The following SMC6 variants were observed in gnomAD, a reference collection of about 807,000 sequenced individuals.
SMC6 encodes the protein structural maintenance of chromosomes protein 6.
SMC6 carries 79 observed loss-of-function variants against 142.2 expected under a neutral mutation model. The observed-to-expected ratio is 0.56, with a 90% CI of 0.46 to 0.67. SMC6 has a LOEUF of 0.67. Ranked by LOEUF, SMC6 falls within the 30% of genes least tolerant of loss-of-function variation. The pLI, the probability that SMC6 is intolerant of heterozygous loss-of-function variation, is 0.00. For synonymous variants in SMC6, 411 were observed against 412.4 expected (o/e 1.00, Z 0.04); for missense variants, 1,072 against 1,284.0 (o/e 0.83, Z 2.52).
chr2:17,679,658 T>A (rs1667153205), intron 24 of SMC6: 2 of 152,268 alleles, frequency 1.3e-5, no homozygotes, highest in South Asian at 4.1e-4. Context: ...CTTATTGAGA[T>A]CCTCAGACTG....
intron 19 of SMC6, among the ~76,000 whole-genome samples, chr2:17,702,437 T>C (rs377632966): frequency 1.3e-5 from 2 of 152,218 alleles, no homozygotes; most frequent in African/African-American, 4.8e-5. Context: ...GATATAACTA[T>C]TTAATTGAAT....
At chr2:17,712,645 G>A (rs1668884052) in intron 16 of SMC6, among the ~76,000 whole-genome samples, 1 of 152,146 alleles carries the variant, frequency 6.6e-6, no homozygotes, top group African/African-American at 2.4e-5. Flanking sequence ...ACTGAAATGA[G>A]TCCTATGTAT....
At chr2:17,694,793 T>G (rs1047590322) in intron 23 of SMC6, among the ~76,000 whole-genome samples, 2 of 152,204 alleles carry the variant, frequency 1.3e-5, no homozygotes, top group African/African-American at 2.4e-5. Flanking sequence ...CTTACTGACC[T>G]AGAATATTAG....
chr2:17,730,083 T>A (rs964635858), intron 7 of SMC6, among the ~76,000 whole-genome samples: 1 of 152,212 alleles, frequency 6.6e-6, no homozygotes, highest in African/African-American at 2.4e-5. Flanking sequence ...GATGCCTGGA[T>A]CCCAAATCCA....
At chr2:17,714,019 G>A (rs1339723101) in intron 16 of SMC6, among the ~76,000 whole-genome samples, 1 of 151,910 alleles carries the variant, frequency 6.6e-6, no homozygotes, top group African/African-American at 2.4e-5. Flanking sequence ...TTTAAAAAGT[G>A]GAGATGGGAG....
chr2:17,699,468 C>T (rs1018682218), intron 21 of SMC6, among the ~76,000 whole-genome samples: 1 of 152,070 alleles, frequency 6.6e-6, no homozygotes, highest in African/African-American at 2.4e-5. Flanking sequence ...ATTCTTTAAT[C>T]TGTAAGTTTA....
At chr2:17,682,936 GAC>G (rs1314763225) in intron 24 of SMC6, among the ~76,000 whole-genome samples, 2 of 151,260 alleles carry the variant, frequency 1.3e-5, no homozygotes, top group African/African-American at 2.4e-5. Context: ...TTGGTGTAAA[GAC>G]AGTTTTAAAA....
intron 24 of SMC6, chr2:17,681,498 A>G (rs975526325): frequency 1.4e-4 from 22 of 152,286 alleles, no homozygotes; most frequent in African/African-American, 5.1e-4. Flanking sequence ...TTTGATTTAA[A>G]GTGATAGAAA....
At chr2:17,709,104 G>A (rs546506387) in intron 16 of SMC6, among the ~76,000 whole-genome samples, 50 of 152,082 alleles carry the variant, frequency 3.3e-4, no homozygotes, top group South Asian at 1.2e-3. Context: ...GTTCCCCAAC[G>A]TCATGAAGCT....
intron 3 of SMC6, among the ~76,000 whole-genome samples, chr2:17,745,591 G>T (rs1670706320): frequency 6.6e-6 from 1 of 151,830 alleles, no homozygotes; most frequent in South Asian, 2.1e-4. Context: ...TGCATTTCTT[G>T]GTCTTACTAA....
At chr2:17,687,095 T>C (rs1377664914) in intron 23 of SMC6, among the ~76,000 whole-genome samples, 3 of 152,202 alleles carry the variant, frequency 2.0e-5, no homozygotes, top group Non-Finnish European at 4.4e-5. Flanking sequence ...CTGTACAATG[T>C]TGGCGCAAAT....
chr2:17,716,296 T>C (rs368897328), intron 14 of SMC6, 32 bp from the exon 15 acceptor site: 12 of 1,577,770 alleles, frequency 7.6e-6, no homozygotes, highest in South Asian at 2.3e-5. Flanking sequence ...ACAGAACATA[T>C]ATGTGATAGT....
chr2:17,681,091 G>A (rs1667220549), intron 24 of SMC6: 1 of 152,218 alleles, frequency 6.6e-6, no homozygotes, highest in South Asian at 2.1e-4. Flanking sequence ...AGCGCTTGCT[G>A]TTTCACCTTG....
chr2:17,696,401 T>C lies in SMC6; in HGVS notation c.2420A>G (p.Glu807Gly). 1.2e-6 allele frequency: 2 copies of C among 1,610,148 alleles called. No homozygotes were observed. The highest frequency in any genetic ancestry group is 1.7e-6 in the Non-Finnish European group (2 of 1,179,182). ...LKDELNLADS[E>G]VDNQKRGKRH... ...TTTCCCTCGTTTTTGGTTATCCACT[T>C]CAGAATCAGCAAGGTTTAATTCATC... Residue 807 changes from glutamate (E) to glycine (G), a missense_variant, in exon 22 of 28, where the codon GAA becomes GGA. Glu to Gly is a moderately conservative substitution (Grantham distance 98, BLOSUM62 -2). This residue lies in a region of SMC6 where 994 missense variants were observed against 1,153.2 expected (regional missense o/e 0.86). Coordinates refer to ENST00000448223, the MANE Select transcript of SMC6 (RefSeq NM_001142286.2).
chr2:17,696,187 GACA>G (rs2124918518), intron 22 of SMC6, 99 bp downstream of exon 22: 4 of 1,417,326 alleles, frequency 2.8e-6, no homozygotes, highest in South Asian at 2.9e-5. Context: ...CAGAAATTCA[GACA>G]ACTTTTCTGT....
Position 17,753,699 on chromosome 2 carries a change from C to G in SMC6, c.-166G>C, listed in dbSNP as rs1341358615. 1.3e-5 allele frequency: 2 copies of G among 152,254 alleles called. No individual in the cohort carries two copies. Among genetic ancestry groups the G allele is most frequent in the Non-Finnish European group, 2.9e-5 (2 of 68,054 alleles). 9.4% of individuals were successfully genotyped at this position (152,254 alleles called of 1,614,324 possible). Reference sequence around the variant, plus strand: ...GTGGTACGACCGGCCGCTAAGGCCACCCTGCGGGCGTCTCGACCTCGGCTG... The same window carrying G: ...GTGGTACGACCGGCCGCTAAGGCCAGCCTGCGGGCGTCTCGACCTCGGCTG... On this transcript the variant is annotated 5_prime_UTR_variant, in exon 1 of 28. Transcript: ENST00000448223.
At chr2:17,751,017 A>AG in intron 2 of SMC6, among the ~76,000 whole-genome samples, 1 of 151,438 alleles carries the variant, frequency 6.6e-6, no homozygotes, top group South Asian at 2.1e-4. Flanking sequence ...AAAAAAAAAA[A>AG]AAAAAAAAAA....
At position 17,721,203 on chromosome 2, in the gene SMC6, G is replaced by A. The variant is rs766218501; in HGVS notation, c.785C>T (p.Ala262Val). 4 of 1,611,328 alleles carry A rather than the reference G, an allele frequency of 2.5e-6. No individual in the cohort carries two copies. Among genetic ancestry groups the A allele is most frequent in the Non-Finnish European group, 3.4e-6 (4 of 1,179,288 alleles). The change falls in exon 10 of 28, where the codon GCT (alanine) becomes GTT (valine). Residue 262 changes from alanine (A) to valine (V), a missense_variant. Ala to Val is a moderately conservative substitution (Grantham distance 64, BLOSUM62 0). This residue lies in a region of SMC6 where 994 missense variants were observed against 1,153.2 expected (regional missense o/e 0.86). Coordinates refer to ENST00000448223, the MANE Select transcript of SMC6 (RefSeq NM_001142286.2). ...VEKEERFQSI[A>V]GLSTMKTNLE... Reference sequence around the variant, plus strand: ...ATTAGTCTTCATTGTACTTAAACCAGCAATACTTTGAAAACGTTCCTCTTT... The same window carrying A: ...ATTAGTCTTCATTGTACTTAAACCAACAATACTTTGAAAACGTTCCTCTTT...
At chr2:17,714,825 C>T in intron 16 of SMC6, 36 bp downstream of exon 16, 1 of 1,594,706 alleles carries the variant, frequency 6.3e-7, no homozygotes, top group Non-Finnish European at 8.6e-7. Flanking sequence ...TATGATTAAG[C>T]AAAGCCAGAA....
Sources: allele counts gnomAD v4.1 joint callset (sites outside exome capture counted in the v4.1 genomes callset), GRCh38; gene constraint gnomAD v4.1.1; regional missense constraint gnomAD v4.1.1; transcripts MANE v1.5; gene names NCBI Gene and HGNC (gene_info 2026-07-23, HGNC 2026-07-21).